ZMYM4: variants seen among roughly 807,000 people sequenced by gnomAD.
ZMYM4 encodes zinc finger MYM-type protein 4.
A neutral mutation model predicts 183.2 loss-of-function variants in ZMYM4; 31 were observed. That is an observed-to-expected ratio of 0.17 (90% CI 0.13 to 0.23). The LOEUF is 0.23. ZMYM4 is among the 10% of genes least tolerant of loss of function. ZMYM4 has a pLI of 1.00. For missense variants in ZMYM4, 1,273 were observed against 1,840.3 expected (o/e 0.69, Z 5.64); for synonymous variants, 592 against 631.2 (o/e 0.94, Z 0.93).
chr1:35,304,635 T>G (rs1641445334), intron 1 of ZMYM4, among the ~76,000 whole-genome samples: 1 of 149,892 alleles, frequency 6.7e-6, no homozygotes. Flanking sequence ...ATTTTTTTTT[T>G]GTATTTTTTT....
At chr1:35,351,374 C>A (rs1643599692) in intron 2 of ZMYM4, 1 of 1,575,796 alleles carries the variant, frequency 6.3e-7, no homozygotes, top group Admixed American at 1.7e-5. Flanking sequence ...AAGATGCTTA[C>A]AAGAAACAGT....
intron 28 of ZMYM4, among the ~76,000 whole-genome samples, chr1:35,417,270 T>A (rs1484280136): frequency 6.6e-6 from 1 of 151,636 alleles, no homozygotes; most frequent in Non-Finnish European, 1.5e-5. Flanking sequence ...AAAACCTTTT[T>A]TCCTTAGGTC....
chr1:35,302,578 G>A (rs983368908), intron 1 of ZMYM4, among the ~76,000 whole-genome samples: 4 of 151,540 alleles, frequency 2.6e-5, no homozygotes, highest in Non-Finnish European at 5.9e-5. Flanking sequence ...GTAGAGACAG[G>A]GTTTCACCAT....
intron 23 of ZMYM4, among the ~76,000 whole-genome samples, chr1:35,403,914 C>G (rs911822089): frequency 1.3e-5 from 2 of 152,082 alleles, no homozygotes; most frequent in Non-Finnish European, 2.9e-5. Context: ...ATTAATCTTT[C>G]AAGAAGTTTG....
chr1:35,268,996 G>A lies in ZMYM4; in HGVS notation c.-51G>A, dbSNP rs929317486. 2.0e-6 allele frequency: 3 copies of A among 1,515,282 alleles called. No individual in the cohort carries two copies. Among genetic ancestry groups the A allele is most frequent in the Admixed American group, 4.2e-5 (2 of 47,796 alleles). The allele number at this position is 1,515,282 out of a possible 1,614,324, so 93.9% of individuals were successfully genotyped here. On this transcript the variant is annotated 5_prime_UTR_variant, in exon 1 of 30. Coordinates refer to ENST00000314607, the MANE Select transcript of ZMYM4 (RefSeq NM_005095.3). The stretch of plus-strand genomic sequence containing the variant: ...TGGGCGGGGGCCGGGGGGCCGAGAG[G>A]TACCGCCGCCACCGCGCGGGGAGCC...
chr1:35,352,010 TCCTC>T (rs1643625324), intron 2 of ZMYM4, among the ~76,000 whole-genome samples: 1 of 152,194 alleles, frequency 6.6e-6, no homozygotes, highest in Non-Finnish European at 1.5e-5. Flanking sequence ...ACAAAGATTT[TCCTC>T]CTGAACTCAC....
Position 35,420,071 on chromosome 1 carries a change from C to T in ZMYM4, c.*394C>T, listed in dbSNP as rs923626192. 7.2e-6 allele frequency: 2 copies of T among 276,290 alleles called. No homozygotes were observed. Among genetic ancestry groups the T allele is most frequent in the Non-Finnish European group, 1.4e-5 (2 of 141,512 alleles). The allele number at this position is 276,290 out of a possible 1,614,324, so 17.1% of individuals were successfully genotyped here. A position where few individuals can be genotyped will look rare whatever the true frequency, so the allele number is the denominator to read the frequency against. ...CTTTGGCTGCAATAGGCTACTTTGG[C>T]AAGCCCTCCGTAAAAGTCAGAGGAG... is the stretch of plus-strand genomic sequence containing the variant. On this transcript the variant is annotated 3_prime_UTR_variant, in exon 30 of 30. Transcript: ENST00000314607.
Position 35,387,239 on chromosome 1 carries a change from C to T in ZMYM4, c.2073C>T (p.Asn691=). 1 of 1,614,144 alleles carries T rather than the reference C, an allele frequency of 6.2e-7. No homozygotes were observed. The highest frequency in any genetic ancestry group is 2.2e-5 in the East Asian group (1 of 44,888). ...TGAAACTCAAATGTCAACACTGTAA[C>T]CGTCTTTTTGCCACAAAACCAGAAC... is the stretch of plus-strand genomic sequence containing the variant. ...SVVKLKCQHC[N]RLFATKPELL... The change falls in exon 12 of 30, where the codon AAC becomes AAT. Residue 691 remains asparagine, a synonymous_variant. Coordinates refer to ENST00000314607, the MANE Select transcript of ZMYM4 (RefSeq NM_005095.3).
chr1:35,363,031 G>T (rs893233303), intron 5 of ZMYM4, among the ~76,000 whole-genome samples: 1 of 152,214 alleles, frequency 6.6e-6, no homozygotes, highest in African/African-American at 2.4e-5. Context: ...AATTAGCCAG[G>T]CATGGTGGCG....
chr1:35,355,228 A>G (rs1273664511), intron 2 of ZMYM4, among the ~76,000 whole-genome samples: 1 of 75,992 alleles, frequency 1.3e-5, no homozygotes, highest in African/African-American at 5.6e-5. Flanking sequence ...TTTTTTTTTT[A>G]AGTAGAGACA....
intron 5 of ZMYM4, among the ~76,000 whole-genome samples, chr1:35,362,321 A>G (rs1643956457): frequency 6.6e-6 from 1 of 152,244 alleles, no homozygotes. Context: ...TCTGTGAGTA[A>G]TAAGAGTGAA....
In ZMYM4 at chr1:35,392,281, T is replaced by G; in HGVS notation, c.2657T>G (p.Ile886Arg). 1 of 1,614,232 alleles carries G rather than the reference T, an allele frequency of 6.2e-7. No homozygotes were observed. Among genetic ancestry groups the G allele is most frequent in the Non-Finnish European group, 8.5e-7 (1 of 1,180,042 alleles). ...PSLRKDSTPV[I>R]ANVVSLASAP... The stretch of plus-strand genomic sequence containing the variant: ...CTGAGAAAAGATTCGACTCCAGTTA[T>G]AGCCAATGTAGTATCATTGGCAAGT... Residue 886 changes from isoleucine (I) to arginine (R), a missense_variant, in exon 16 of 30, where the codon ATA becomes AGA. Around this residue, in one of 6 missense-constraint regions of ZMYM4, gnomAD observed 290 missense variants for 353.3 expected, o/e 0.82. Transcript: ENST00000314607.
intron 1 of ZMYM4, among the ~76,000 whole-genome samples, chr1:35,287,923 G>T (rs1640585751): frequency 6.6e-6 from 1 of 152,074 alleles, no homozygotes; most frequent in Non-Finnish European, 1.5e-5. Context: ...TTTTATTTTA[G>T]AGACAGTCTT....
Position 35,365,115 on chromosome 1 carries a change from C to T in ZMYM4, c.840+3326C>T, listed in dbSNP as rs1644038203. On this transcript the variant is annotated intron_variant, in intron 5 of 29. Transcript: ENST00000314607. ...GTGTTGCTTAATTCGCCTAACAACCCTGTATAAGATGGCCAGAGTAGAGGA... is the reference window on the plus strand; with the variant it reads ...GTGTTGCTTAATTCGCCTAACAACCTTGTATAAGATGGCCAGAGTAGAGGA... 1.3e-5 allele frequency among the ~76,000 whole-genome samples: 2 copies of T among 152,008 alleles called. 1 individual carries two copies. The highest frequency in any genetic ancestry group is 4.1e-4 in the South Asian group (2 of 4,826).
intron 1 of ZMYM4, chr1:35,308,913 T>G (rs1641672264): frequency 4.2e-5 from 41 of 968,742 alleles, no homozygotes; most frequent in Non-Finnish European, 4.8e-5. Flanking sequence ...TTTGGAAGAT[T>G]CATGCAAAAC....
chr1:35,405,349 C>T (rs371681723), intron 24 of ZMYM4, 24 bp from the exon 25 acceptor site: 80 of 1,583,410 alleles, frequency 5.1e-5, no homozygotes, highest in Middle Eastern at 1.7e-4. Context: ...TTAAACTTTT[C>T]TTTTATGTTT....
intron 2 of ZMYM4, among the ~76,000 whole-genome samples, chr1:35,340,734 G>A (rs1643169467): frequency 6.6e-6 from 1 of 152,166 alleles, no homozygotes; most frequent in Non-Finnish European, 1.5e-5. Context: ...GGGAGTGGCT[G>A]TAAATACAGA....
intron 2 of ZMYM4, among the ~76,000 whole-genome samples, chr1:35,334,515 A>G (rs1323602319): frequency 2.0e-5 from 3 of 152,322 alleles, no homozygotes; most frequent in East Asian, 1.9e-4. Context: ...TAAGTTTAAC[A>G]TTTAGACTGG....
At chr1:35,415,846 C>T in intron 28 of ZMYM4, 132 bp downstream of exon 28, 17 of 1,266,952 alleles carry the variant, frequency 1.3e-5, no homozygotes, top group Non-Finnish European at 1.8e-5. Flanking sequence ...ATATTTTTCT[C>T]TATTGTCAGA....
Sources: allele counts gnomAD v4.1 joint callset (sites outside exome capture counted in the v4.1 genomes callset), GRCh38; gene constraint gnomAD v4.1.1; regional missense constraint gnomAD v4.1.1; transcripts MANE v1.5; gene names NCBI Gene and HGNC (gene_info 2026-07-23, HGNC 2026-07-21).